Variants in PRPS2 observed in about 807,000 individuals in gnomAD.
PRPS2 encodes ribose-phosphate pyrophosphokinase 2.
For missense variants in PRPS2, 104 were observed against 271.5 expected (o/e 0.38, Z 4.34); for synonymous variants, 111 against 115.3 (o/e 0.96, Z 0.24).
intron 2 of PRPS2, among the ~76,000 whole-genome samples, chrX:12,803,528 C>T (rs745866926): frequency 8.9e-6 from 1 of 112,649 alleles, no homozygotes; most frequent in South Asian, 3.7e-4. Context: ...TTCTCCTGGG[C>T]TCAAGAGATC....
intron 2 of PRPS2, among the ~76,000 whole-genome samples, chrX:12,800,371 T>C (rs190636100): frequency 8.9e-6 from 1 of 111,929 alleles, no homozygotes; most frequent in Admixed American, 9.5e-5. Flanking sequence ...ACACTGTCAT[T>C]GGATTTCAGG....
At chrX:12,809,693 C>T (rs1213763714) in intron 3 of PRPS2, among the ~76,000 whole-genome samples, 1 of 111,951 alleles carries the variant, frequency 8.9e-6, no homozygotes, top group African/African-American at 3.2e-5. Flanking sequence ...ATATAATGAA[C>T]GTGAAGTATT....
At chrX:12,791,687 GC>G (rs1275011643) in intron 1 of PRPS2, 68 bp downstream of exon 1, 1 of 861,416 alleles carries the variant, frequency 1.2e-6, no homozygotes, top group African/African-American at 2.2e-5. Context: ...CGGGTTGGGG[GC>G]CGGCGCCTGC....
chrX:12,795,732 A>G (rs2042539764), intron 1 of PRPS2, among the ~76,000 whole-genome samples: 1 of 112,483 alleles, frequency 8.9e-6, no homozygotes, highest in African/African-American at 3.2e-5. Context: ...ATCACCTCTT[A>G]AAGGTCTCAC....
At chrX:12,809,905 G>C in intron 3 of PRPS2, 117 bp from the exon 4 acceptor site, 1 of 992,248 alleles carries the variant, frequency 1.0e-6, no homozygotes, top group Non-Finnish European at 1.3e-6. Context: ...TGTTATAAAA[G>C]CTTCTTTTGA....
At chrX:12,818,798 G>C (rs1196261091) in intron 4 of PRPS2, among the ~76,000 whole-genome samples, 1 of 111,734 alleles carries the variant, frequency 8.9e-6, no homozygotes, top group Non-Finnish European at 1.9e-5. Flanking sequence ...AATGCCCCAG[G>C]CTCACCAGCA....
At position 12,810,090 on chromosome X, in the gene PRPS2, C is replaced by T; in HGVS notation, c.474C>T (p.Asn158=). 8.3e-7 allele frequency: 1 copy of T among 1,212,023 alleles called. No individual in the cohort carries two copies. The highest frequency in any genetic ancestry group is 1.1e-6 in the Non-Finnish European group (1 of 895,484). The part of the protein sequence containing the change: ...EPAVLQWIRE[N]IAEWKNCIIV... ...CAGTCCTGCAGTGGATTCGGGAAAA[C>T]ATTGCCGAGTGGAAGAACTGTATCA... Residue 158 remains asparagine (N), a synonymous_variant, in exon 4 of 7, where the codon AAC becomes AAT. Coordinates refer to ENST00000380668, the MANE Select transcript of PRPS2 (RefSeq NM_002765.5).
In PRPS2 at chrX:12,796,008, A is replaced by T. The variant is rs545953543; in HGVS notation, c.123-3199A>T. On this transcript the variant is annotated intron_variant, in intron 1 of 6. Coordinates refer to ENST00000380668, the MANE Select transcript of PRPS2 (RefSeq NM_002765.5). ...GAATGTTATCAAAACTAATTTTCAC[A>T]ACATGTCAACTTGAAAAACTTTATT... 4.8e-4 allele frequency among the ~76,000 whole-genome samples: 54 copies of T among 111,753 alleles called. No homozygotes were observed. In the South Asian group the frequency reaches 0.02, roughly 41 times the overall value.
intron 1 of PRPS2, among the ~76,000 whole-genome samples, chrX:12,795,250 A>G (rs2042537821): frequency 8.9e-6 from 1 of 111,791 alleles, no homozygotes; most frequent in African/African-American, 3.3e-5. Flanking sequence ...CTGCAAATTT[A>G]CTTCCCCTTT....
chrX:12,802,330 T>G (rs922510400), intron 2 of PRPS2, among the ~76,000 whole-genome samples: 1 of 108,682 alleles, frequency 9.2e-6, no homozygotes, highest in East Asian at 2.9e-4. Flanking sequence ...AACTTGTGTT[T>G]TGTTTTGTTT....
At chrX:12,808,287 A>AGTGTGT (rs762950596) in intron 2 of PRPS2, among the ~76,000 whole-genome samples, 898 of 46,478 alleles carry the variant, frequency 0.019, 3 homozygotes, top group Non-Finnish European at 0.029. Flanking sequence ...ACATGAATAT[A>AGTGTGT]CTGTGTGTGT....
intron 3 of PRPS2, among the ~76,000 whole-genome samples, chrX:12,809,750 G>A (rs745898963): frequency 6.3e-5 from 7 of 111,813 alleles, no homozygotes; most frequent in African/African-American, 1.6e-4. Context: ...TTCCCTCACC[G>A]TCCTGCATAG....
chrX:12,816,726 C>T lies in PRPS2; in HGVS notation c.531-2781C>T, dbSNP rs2042649581. On this transcript the variant is annotated intron_variant, in intron 4 of 6. Coordinates refer to ENST00000380668, the MANE Select transcript of PRPS2 (RefSeq NM_002765.5). ...AATATCTTTGCTTACCTTTCTCTGC[C>T]CCTGCCCCTCACCACATCTCAATGT... Among the ~76,000 whole-genome samples the T allele has an allele frequency of 2.7e-5, 3 of 111,586 alleles. No individual in the cohort carries two copies. The Admixed American group carries it at 2.8e-4, about 11-fold the overall frequency.
intron 1 of PRPS2, among the ~76,000 whole-genome samples, chrX:12,795,264 A>G (rs191432384): frequency 1.3e-3 from 145 of 111,825 alleles, no homozygotes; most frequent in African/African-American, 3.9e-3. Context: ...CCCCTTTGCC[A>G]TATAAACTCA....
At chrX:12,795,311 G>A (rs2042537924) in intron 1 of PRPS2, among the ~76,000 whole-genome samples, 1 of 111,363 alleles carries the variant, frequency 9.0e-6, no homozygotes, top group African/African-American at 3.3e-5. Context: ...ATCTTTAGGG[G>A]GCCATTATTC....
intron 5 of PRPS2, among the ~76,000 whole-genome samples, chrX:12,820,346 G>A (rs1265905509): frequency 4.5e-5 from 5 of 111,221 alleles, no homozygotes; most frequent in Non-Finnish European, 7.5e-5. Context: ...TGAGGGGTGG[G>A]TTGTCGTTAG....
chrX:12,808,142 C>G (rs2042603490), intron 2 of PRPS2, among the ~76,000 whole-genome samples: 4 of 111,500 alleles, frequency 3.6e-5, no homozygotes. Flanking sequence ...GCTGAGATTA[C>G]AGGCGTGAGC....
In PRPS2 at chrX:12,814,060, GCC is replaced by G. The variant is rs202209305; in HGVS notation, c.530+3920_530+3921del. 1.2e-3 allele frequency among the ~76,000 whole-genome samples: 56 copies of G among 44,814 alleles called. No individual in the cohort carries two copies. The East Asian group carries it at 0.02, about 16-fold the overall frequency. The allele number at this position is 44,814 out of a possible 115,157, so 38.9% of individuals were successfully genotyped here. On this transcript the variant is annotated intron_variant, in intron 4 of 6. Coordinates refer to ENST00000380668, the MANE Select transcript of PRPS2 (RefSeq NM_002765.5). ...GAATAAAGAATGAAATAAGAATCCAGCCCCCCCACCCCCGACTCTACTGTCTA... is the reference window on the plus strand; with the variant it reads ...GAATAAAGAATGAAATAAGAATCCAGCCCCCACCCCCGACTCTACTGTCTA...
intron 4 of PRPS2, among the ~76,000 whole-genome samples, chrX:12,813,173 C>T (rs1206103294): frequency 3.6e-5 from 4 of 112,184 alleles, no homozygotes; most frequent in Non-Finnish European, 7.5e-5. Context: ...CTATTTATTT[C>T]ACGCAAATGG....
Sources: allele counts gnomAD v4.1 joint callset (sites outside exome capture counted in the v4.1 genomes callset), GRCh38; gene constraint gnomAD v4.1.1; transcripts MANE v1.5; gene names NCBI Gene and HGNC (gene_info 2026-07-23, HGNC 2026-07-21).